MED12L: variants seen among roughly 807,000 people sequenced by gnomAD.
The protein encoded by MED12L is mediator of RNA polymerase II transcription subunit 12-like protein.
MED12L carries 60 observed loss-of-function variants against 281.3 expected under a neutral mutation model. That is an observed-to-expected ratio of 0.21 (90% CI 0.17 to 0.26). MED12L has a LOEUF of 0.26. MED12L is among the 10% of genes least tolerant of loss of function. The pLI is 1.00. For missense variants in MED12L, 2,146 were observed against 2,680.9 expected (o/e 0.80, Z 4.41); for synonymous variants, 974 against 987.2 (o/e 0.99, Z 0.25).
chr3:151,308,168 AG>A (rs1412971522), intron 16 of MED12L, among the ~76,000 whole-genome samples: 13 of 152,184 alleles, frequency 8.5e-5, no homozygotes, highest in African/African-American at 2.7e-4. Context: ...AGCATATTTA[AG>A]AAATATGCTT....
At position 151,304,344 on chromosome 3, in the gene MED12L, C is replaced by T. The variant is rs148572413; in HGVS notation, c.2251-45715C>T. Among the ~76,000 whole-genome samples, 930 of 152,248 alleles carry T rather than the reference C, an allele frequency of 6.1e-3. 9 individuals are homozygous for T. The highest frequency in any genetic ancestry group is 0.024 in the South Asian group (118 of 4,818). The stretch of plus-strand genomic sequence containing the variant: ...TAATCCCAGCACTGGGTGGCCGAGG[C>T]TGGTGGATCACCTGAGGTCAGGAGT... On this transcript the variant is annotated intron_variant, in intron 16 of 44. Coordinates refer to ENST00000687756, the MANE Select transcript of MED12L (RefSeq NM_001393769.1).
rs1221671912 is a variant in MED12L, at chr3:151,122,812, T to C, written c.234T>C (p.Ala78=). ...KIGAYFSSIL[A]EKLKLNTFQD... Reference sequence around the variant, plus strand: ...GAGCTTATTTTAGCAGCATATTAGCTGAGAAACTGAAGCTTAACACTTTCC... The same window carrying C: ...GAGCTTATTTTAGCAGCATATTAGCCGAGAAACTGAAGCTTAACACTTTCC... The change falls in exon 4 of 45, where the codon GCT becomes GCC. Residue 78 remains alanine, a synonymous_variant. Coordinates refer to ENST00000687756, the MANE Select transcript of MED12L (RefSeq NM_001393769.1). The C allele has an allele frequency of 6.2e-7, 1 of 1,607,212 alleles. No homozygotes were observed. The highest frequency in any genetic ancestry group is 2.2e-5 in the East Asian group (1 of 44,840).
At chr3:151,317,600 A>G (rs991700026) in intron 16 of MED12L, among the ~76,000 whole-genome samples, 1 of 151,192 alleles carries the variant, frequency 6.6e-6, no homozygotes, top group Non-Finnish European at 1.5e-5. Flanking sequence ...ACAGGTGCCC[A>G]CGACTACACC....
chr3:151,293,353 T>G (rs1744517160), intron 16 of MED12L, among the ~76,000 whole-genome samples: 1 of 152,120 alleles, frequency 6.6e-6, no homozygotes, highest in African/African-American at 2.4e-5. Flanking sequence ...ACGCCTTCAC[T>G]CCTCCTCTGT....
intron 5 of MED12L, among the ~76,000 whole-genome samples, chr3:151,138,754 A>G (rs1366551326): frequency 6.6e-6 from 1 of 152,178 alleles, no homozygotes; most frequent in African/African-American, 2.4e-5. Context: ...TGCTATCACC[A>G]TGACTTATGA....
intron 21 of MED12L, among the ~76,000 whole-genome samples, chr3:151,364,211 C>T (rs562599586): frequency 6.6e-6 from 1 of 152,148 alleles, no homozygotes; most frequent in Non-Finnish European, 1.5e-5. Context: ...CTGCCAGTCT[C>T]ATTCACAGAG....
rs111313222 is a variant in MED12L at position 151,293,725 on chromosome 3, T to A, written c.2251-56334T>A. On this transcript the variant is annotated intron_variant, in intron 16 of 44. Coordinates refer to ENST00000687756, the MANE Select transcript of MED12L (RefSeq NM_001393769.1). ...TGTTGAGTAAAGGAAAAAATAATTT[T>A]AAAAAATCCCCACACAGAGAATGAG... Among the ~76,000 whole-genome samples, 969 of 151,704 alleles carry A rather than the reference T, an allele frequency of 6.4e-3. 8 individuals are homozygous for A. Among genetic ancestry groups the A allele is most frequent in the South Asian group, 0.012 (59 of 4,802 alleles).
chr3:151,312,660 T>C (rs1747704557), intron 16 of MED12L, among the ~76,000 whole-genome samples: 1 of 152,246 alleles, frequency 6.6e-6, no homozygotes, highest in South Asian at 2.1e-4. Context: ...TCTAAGTGTC[T>C]ATCTTGCTAC....
chr3:151,229,340 C>T lies in MED12L; in HGVS notation c.2250+35674C>T, dbSNP rs570525108. Among the ~76,000 whole-genome samples the T allele has an allele frequency of 5.3e-5, 7 of 131,368 alleles. No homozygotes were observed. The South Asian group carries it at 1.7e-3, about 33-fold the overall frequency. The allele number at this position is 131,368 out of a possible 152,430, so 86.2% of individuals were successfully genotyped here. A position where few individuals can be genotyped will look rare whatever the true frequency, so the allele number is the denominator to read the frequency against. ...TTTTTTTTTTTGAGATGGAGTCTTG[C>T]TCTGTTGCTCAGGCTGGAGGGCAGT... On this transcript the variant is annotated intron_variant, in intron 16 of 44. Transcript: ENST00000687756.
chr3:151,197,677 T>C (rs1724862341), intron 16 of MED12L, among the ~76,000 whole-genome samples: 1 of 152,234 alleles, frequency 6.6e-6, no homozygotes, highest in African/African-American at 2.4e-5. Context: ...TAGTATAACT[T>C]AACAACTCCC....
intron 16 of MED12L, among the ~76,000 whole-genome samples, chr3:151,317,824 A>C (rs958857192): frequency 6.6e-6 from 1 of 152,160 alleles, no homozygotes; most frequent in Non-Finnish European, 1.5e-5. Context: ...TCTTGAATGC[A>C]ACATTTAAAT....
intron 5 of MED12L, among the ~76,000 whole-genome samples, chr3:151,153,571 T>C (rs974101919): frequency 3.5e-5 from 5 of 140,918 alleles, no homozygotes; most frequent in Non-Finnish European, 7.7e-5. Flanking sequence ...TTTCTTTTTT[T>C]TTTTTTTTTT....
At chr3:151,385,762 T>G (rs1279996124) in intron 36 of MED12L, among the ~76,000 whole-genome samples, 2 of 151,414 alleles carry the variant, frequency 1.3e-5, no homozygotes, top group East Asian at 3.9e-4. Context: ...CTATTTCAAA[T>G]AAAAATTATT....
intron 19 of MED12L, among the ~76,000 whole-genome samples, chr3:151,356,474 T>A (rs901053615): frequency 2.0e-5 from 3 of 152,202 alleles, no homozygotes; most frequent in Admixed American, 2.0e-4. Context: ...AGGGACATAG[T>A]ACAATTTTGA....
chr3:151,275,989 A>C (rs967287108), intron 16 of MED12L, among the ~76,000 whole-genome samples: 2 of 152,162 alleles, frequency 1.3e-5, no homozygotes, highest in Non-Finnish European at 2.9e-5. Context: ...TGGCCAATGA[A>C]ATGCCTTCTT....
At chr3:151,220,091 A>G (rs749630491) in intron 16 of MED12L, among the ~76,000 whole-genome samples, 11 of 148,464 alleles carry the variant, frequency 7.4e-5, no homozygotes, top group Non-Finnish European at 1.3e-4. Flanking sequence ...GCATTGTAAG[A>G]TGTTTAGCAG....
At position 151,357,093 on chromosome 3, in the gene MED12L, TA is replaced by T. The variant is rs1465834721; in HGVS notation, c.2662-117del. ...AAAGGATTAAAAATTTTAAAAAAGT[TA>T]AATTTAGGGAATGTATTTGTAGTGT... On this transcript the variant is annotated intron_variant, in intron 19 of 44. Coordinates refer to ENST00000687756, the MANE Select transcript of MED12L (RefSeq NM_001393769.1). The T allele has an allele frequency of 7.6e-5, 69 of 903,826 alleles. No individual in the cohort carries two copies. In the African/African-American group the frequency reaches 1.0e-3, roughly 13 times the overall value. 56.0% of individuals were successfully genotyped at this position (903,826 alleles called of 1,614,324 possible).
At chr3:151,417,486 C>CTTT (rs1287791429) in intron 43 of MED12L, among the ~76,000 whole-genome samples, 1,483 of 56,118 alleles carry the variant, frequency 0.026, 60 homozygotes, top group African/African-American at 0.042. Context: ...TCCCCCCCCG[C>CTTT]CTTTTTTTTT....
At position 151,239,165 on chromosome 3, in the gene MED12L, A is replaced by G. The variant is rs114772700; in HGVS notation, c.2250+45499A>G. Among the ~76,000 whole-genome samples, 1,182 of 152,344 alleles carry G rather than the reference A, an allele frequency of 7.8e-3. 6 individuals carry two copies. The highest frequency in any genetic ancestry group is 0.011 in the Non-Finnish European group (773 of 68,034). On this transcript the variant is annotated intron_variant, in intron 16 of 44. Coordinates refer to ENST00000687756, the MANE Select transcript of MED12L (RefSeq NM_001393769.1). ...AGTGTTTATATTTACAAATTTCTGC[A>G]TGAATGTATTTTATCTACATGACCA...
Sources: allele counts gnomAD v4.1 joint callset (sites outside exome capture counted in the v4.1 genomes callset), GRCh38; gene constraint gnomAD v4.1.1; transcripts MANE v1.5; gene names NCBI Gene and HGNC (gene_info 2026-07-23, HGNC 2026-07-21).